The following FOXP3 variants were observed in gnomAD, a reference collection of about 807,000 sequenced individuals.
FOXP3 encodes forkhead box protein P3.
In FOXP3, 5 loss-of-function variants were observed where a neutral mutation model predicts 31.2. The ratio of observed to expected loss-of-function variants is 0.16; its 90% CI spans 0.08 to 0.34. The LOEUF (loss-of-function observed/expected upper bound fraction) is 0.34, where lower values mean the gene tolerates loss of function less well. FOXP3 is among the 10% of genes least tolerant of loss of function. The pLI is 1.00. For synonymous variants in FOXP3, 141 were observed against 148.8 expected (o/e 0.95, Z 0.38); for missense variants, 251 against 363.0 (o/e 0.69, Z 2.51).
Position 49,255,799 on chromosome X carries a change from G to A in FOXP3, c.651C>T (p.His217=). 1 of 1,203,518 alleles carries A rather than the reference G, an allele frequency of 8.3e-7. No homozygotes were observed. The highest frequency in any genetic ancestry group is 1.1e-6 in the Non-Finnish European group (1 of 890,315). Residue 217 remains histidine (H), a synonymous_variant, in exon 7 of 12, where the codon CAC becomes CAT. Coordinates refer to ENST00000376207, the MANE Select transcript of FOXP3 (RefSeq NM_014009.4). ...CATCCAGAAGATGGTCCGCCTGGCA[G>A]TGCCTAAGTAGGGAGAAGATTCCAT... ...VFEEPEDFLK[H]CQADHLLDEK...
rs782092827 is a variant in FOXP3 at position 49,256,911 on chromosome X, C to T, written c.542+14G>A. The T allele has an allele frequency of 8.3e-7, 1 of 1,210,236 alleles. No individual in the cohort carries two copies. The highest frequency in any genetic ancestry group is 3.0e-5 in the East Asian group (1 of 33,860). Reference sequence around the variant, plus strand: ...ATAGGAGGGCGAGGATCCTTCCCAGCCCTGTCCACTGACCTGTCCTTCCTG... The same window carrying T: ...ATAGGAGGGCGAGGATCCTTCCCAGTCCTGTCCACTGACCTGTCCTTCCTG... On this transcript the variant is annotated intron_variant, in intron 5 of 11. Transcript: ENST00000376207.
rs782762286 is a variant in FOXP3 at position 49,251,553 on chromosome X, C to T, written c.1147-70G>A. Reference sequence around the variant, plus strand: ...AGGCCAGCAGCCACCACCAACAACCCACATCCCGTTCCTCCCCAATGTGCC... The same window carrying T: ...AGGCCAGCAGCCACCACCAACAACCTACATCCCGTTCCTCCCCAATGTGCC... On this transcript the variant is annotated intron_variant, in intron 11 of 11. Transcript: ENST00000376207. 8.3e-6 allele frequency: 10 copies of T among 1,208,976 alleles called. No homozygotes were observed. In the East Asian group the frequency reaches 3.0e-4, roughly 36 times the overall value.
At chrX:49,257,858 T>C (rs2147949299) in intron 2 of FOXP3, 90 bp from the exon 3 acceptor site, 2 of 696,522 alleles carry the variant, frequency 2.9e-6, no homozygotes, top group South Asian at 5.0e-5. Context: ...GCCCACATGG[T>C]AGATGCTATG....
At chrX:49,257,173 C>G in intron 4 of FOXP3, among the ~76,000 whole-genome samples, 161 bp from the exon 5 acceptor site, 1 of 112,681 alleles carries the variant, frequency 8.9e-6, no homozygotes, top group Non-Finnish European at 1.9e-5. Context: ...GGCAGAGAAG[C>G]TTAAAGACGG....
chrX:49,264,671 T>C lies in FOXP3; in HGVS notation c.-33A>G, dbSNP rs1315133313. On this transcript the variant is annotated 5_prime_UTR_variant, in exon 1 of 12. Transcript: ENST00000376207. ...AGCAGGGACACTCACCTTGGTGAAGTGGACTGACAGAAAAGGATCAGCCTG... is the reference window on the plus strand; with the variant it reads ...AGCAGGGACACTCACCTTGGTGAAGCGGACTGACAGAAAAGGATCAGCCTG... 1.3e-6 allele frequency: 1 copy of C among 751,780 alleles called. No homozygotes were observed. Among genetic ancestry groups the C allele is most frequent in the African/African-American group, 2.3e-5 (1 of 42,903 alleles). The allele number at this position is 751,780 out of a possible 1,213,427, so 62.0% of individuals were successfully genotyped here. A position where few individuals can be genotyped will look rare whatever the true frequency, so the allele number is the denominator to read the frequency against.
At chrX:49,254,458 T>C (rs1446861102) in intron 8 of FOXP3, among the ~76,000 whole-genome samples, 1 of 111,948 alleles carries the variant, frequency 8.9e-6, no homozygotes, top group Non-Finnish European at 1.9e-5. Context: ...TCAGTGTTTT[T>C]CAAAGCAAGG....
At chrX:49,264,218 GA>G (rs782813755) in intron 1 of FOXP3, among the ~76,000 whole-genome samples, 1 of 111,244 alleles carries the variant, frequency 9.0e-6, no homozygotes, top group African/African-American at 3.3e-5. Context: ...GATGGCGGGA[GA>G]AAGAGAGGCA....
chrX:49,254,945 GT>G (rs1201744900), intron 8 of FOXP3, among the ~76,000 whole-genome samples: 3,706 of 95,904 alleles, frequency 0.039, 185 homozygotes, highest in African/African-American at 0.11. Context: ...GAGTCAGAGG[GT>G]TTTTTTTTTT....
At position 49,256,220 on chromosome X, in the gene FOXP3, A is replaced by AAGAGAAAG. The variant is rs2066069920; in HGVS notation, c.648-419_648-418insCTTTCTCT. Among the ~76,000 whole-genome samples, 8 of 67,021 alleles carry AAGAGAAAG rather than the reference A, an allele frequency of 1.2e-4. No homozygotes were observed. The East Asian group carries it at 2.1e-3, about 17-fold the overall frequency. 58.2% of individuals were successfully genotyped at this position (67,021 alleles called of 115,157 possible). On this transcript the variant is annotated intron_variant, in intron 6 of 11. Coordinates refer to ENST00000376207, the MANE Select transcript of FOXP3 (RefSeq NM_014009.4). The stretch of plus-strand genomic sequence containing the variant: ...TGTGTGTGTGTGTGAGAGAGAGAGA[A>AAGAGAAAG]AGAGAGAGAGAGAGAGAGAGAGAGA...
At position 49,263,706 on chromosome X, in the gene FOXP3, C is replaced by T. The variant is rs782658974; in HGVS notation, c.-23+955G>A. Among the ~76,000 whole-genome samples, 8 of 112,218 alleles carry T rather than the reference C, an allele frequency of 7.1e-5. No homozygotes were observed. In the East Asian group the frequency reaches 1.7e-3, roughly 23 times the overall value. Reference sequence around the variant, plus strand: ...TCGTGAGCACTTACTTTGTGCCAAACGCTGTGCTAAGCCTGCAGAATCGAG... The same window carrying T: ...TCGTGAGCACTTACTTTGTGCCAAATGCTGTGCTAAGCCTGCAGAATCGAG... On this transcript the variant is annotated intron_variant, in intron 1 of 11. Transcript: ENST00000376207.
chrX:49,260,865 C>T (rs1370427067), intron 1 of FOXP3, among the ~76,000 whole-genome samples: 1 of 112,918 alleles, frequency 8.9e-6, no homozygotes, highest in Non-Finnish European at 1.9e-5. Flanking sequence ...ATACCCCACC[C>T]CACAGGTTTC....
intron 1 of FOXP3, among the ~76,000 whole-genome samples, chrX:49,262,637 G>T (rs1305949853): frequency 8.9e-6 from 1 of 112,264 alleles, no homozygotes; most frequent in South Asian, 3.7e-4. Context: ...CTTGTGCTAA[G>T]TATTTACTGT....
intron 1 of FOXP3, among the ~76,000 whole-genome samples, chrX:49,258,990 C>T (rs1467074501): frequency 1.8e-5 from 2 of 112,533 alleles, no homozygotes; most frequent in African/African-American, 3.2e-5. Flanking sequence ...AAAGATTCAT[C>T]TGGCTGCTGT....
At chrX:49,254,557 T>C (rs1422310843) in intron 8 of FOXP3, among the ~76,000 whole-genome samples, 1 of 112,276 alleles carries the variant, frequency 8.9e-6, no homozygotes, top group East Asian at 2.8e-4. Flanking sequence ...ATGTCGTATG[T>C]GGCCACTGAT....
chrX:49,251,278 C>G lies in FOXP3; in HGVS notation c.*56G>C. ...CCTATCATCCCTGCCCCCACCACCTCTGCCTCCCACCAGTTTGGCCCCTGT... is the reference window on the plus strand; with the variant it reads ...CCTATCATCCCTGCCCCCACCACCTGTGCCTCCCACCAGTTTGGCCCCTGT... On this transcript the variant is annotated 3_prime_UTR_variant, in exon 12 of 12. Transcript: ENST00000376207. The G allele has an allele frequency of 8.5e-7, 1 of 1,173,177 alleles. No homozygotes were observed.
intron 9 of FOXP3, 144 bp from the exon 10 acceptor site, chrX:49,253,346 A>G (rs2066046430): frequency 2.0e-6 from 1 of 490,159 alleles, no homozygotes. Flanking sequence ...TTTGCTGAGC[A>G]CCTGACATAA....
chrX:49,251,165 AG>A lies in FOXP3; in HGVS notation c.*168del, dbSNP rs1337635847. 3.8e-6 allele frequency: 2 copies of A among 531,358 alleles called. No individual in the cohort carries two copies. The highest frequency in any genetic ancestry group is 5.0e-5 in the African/African-American group (1 of 20,153). The allele number at this position is 531,358 out of a possible 1,213,427, so 43.8% of individuals were successfully genotyped here. ...CTTGGGGCAAAGGATATGATGGGGG[AG>A]GGGGTGGCTGCCAGCGGGGGAACAG... On this transcript the variant is annotated 3_prime_UTR_variant, in exon 12 of 12. Transcript: ENST00000376207.
chrX:49,261,019 A>C (rs1191261830), intron 1 of FOXP3, among the ~76,000 whole-genome samples: 1 of 112,344 alleles, frequency 8.9e-6, no homozygotes, highest in Non-Finnish European at 1.9e-5. Context: ...TGGGTTGTGG[A>C]GAGGACCCAG....
At chrX:49,263,722 C>T (rs1015824062) in intron 1 of FOXP3, among the ~76,000 whole-genome samples, 2 of 112,131 alleles carry the variant, frequency 1.8e-5, no homozygotes, top group African/African-American at 6.5e-5. Flanking sequence ...GCTAAGCCTG[C>T]AGAATCGAGC....
Sources: gnomAD v4.1 joint callset for allele counts (sites outside exome capture counted in the v4.1 genomes callset) on GRCh38, gnomAD v4.1.1 for gene constraint, MANE v1.5 for transcripts, NCBI Gene and HGNC (gene_info 2026-07-23, HGNC 2026-07-21) for gene names.